Variants in L3MBTL4 observed in about 807,000 individuals in gnomAD.
L3MBTL4 encodes the protein L3MBTL histone methyl-lysine binding protein 4.
In L3MBTL4, 70 loss-of-function variants were observed where a neutral mutation model predicts 84.5. The observed-to-expected ratio is 0.83, with a 90% CI of 0.68 to 1.01. L3MBTL4 has a LOEUF of 1.01. Ranked by LOEUF, L3MBTL4 falls within the 50% of genes least tolerant of loss-of-function variation. The pLI is 0.00. For missense variants in L3MBTL4, 715 were observed against 754.8 expected (o/e 0.95, Z 0.62); for synonymous variants, 274 against 259.8 (o/e 1.05, Z -0.52).
chr18:6,295,346 C>CTCTCTCTCTCTCTCTCTCTATATA (rs1261475809), intron 4 of L3MBTL4, among the ~76,000 whole-genome samples: 2 of 81,388 alleles, frequency 2.5e-5, no homozygotes, highest in African/African-American at 1.3e-4. Context: ...CTCTCTCTCT[C>CTCTCTCTCTCTCTCTCTCTATATA]TATATATATA....
chr18:6,063,994 T>C (rs1477801850), intron 16 of L3MBTL4, among the ~76,000 whole-genome samples: 1 of 152,084 alleles, frequency 6.6e-6, no homozygotes, highest in African/African-American at 2.4e-5. Flanking sequence ...TTTCAGGTCT[T>C]AGATTTAAGT....
At chr18:6,254,626 G>A (rs1338723675) in intron 5 of L3MBTL4, among the ~76,000 whole-genome samples, 1 of 151,998 alleles carries the variant, frequency 6.6e-6, no homozygotes, top group Non-Finnish European at 1.5e-5. Context: ...ATCCTAAACT[G>A]CTGCCAAGAT....
intron 4 of L3MBTL4, among the ~76,000 whole-genome samples, chr18:6,265,915 T>C (rs555568069): frequency 1.3e-5 from 2 of 152,322 alleles, no homozygotes; most frequent in East Asian, 3.9e-4. Context: ...ATGCTGACTA[T>C]AGTGAATAAT....
intron 16 of L3MBTL4, among the ~76,000 whole-genome samples, chr18:5,988,220 A>C (rs1460407313): frequency 6.6e-6 from 1 of 152,214 alleles, no homozygotes; most frequent in Non-Finnish European, 1.5e-5. Context: ...TTACCCTCTA[A>C]AGTCATTCTT....
At chr18:6,277,073 G>A (rs2049111442) in intron 4 of L3MBTL4, among the ~76,000 whole-genome samples, 1 of 141,628 alleles carries the variant, frequency 7.1e-6, no homozygotes, top group Admixed American at 7.8e-5. Flanking sequence ...ACCCTAGAGT[G>A]TTTATTATGT....
chr18:6,100,877 A>G (rs181986819), intron 14 of L3MBTL4, among the ~76,000 whole-genome samples: 1 of 152,320 alleles, frequency 6.6e-6, no homozygotes, highest in East Asian at 1.9e-4. Context: ...CTGCACTACC[A>G]CTGGATGAGG....
intron 1 of L3MBTL4, chr18:6,396,645 T>C (rs2055284017): frequency 6.6e-6 from 1 of 152,246 alleles, no homozygotes. Context: ...GAAAAGAATG[T>C]ACCTCTCAGT....
chr18:6,339,894 T>A (rs998390550), intron 1 of L3MBTL4, among the ~76,000 whole-genome samples: 2 of 152,168 alleles, frequency 1.3e-5, no homozygotes, highest in African/African-American at 4.8e-5. Flanking sequence ...AAAATCTGAA[T>A]TCTACTTTGT....
At chr18:6,188,041 C>A (rs1364131133) in intron 12 of L3MBTL4, among the ~76,000 whole-genome samples, 1 of 151,848 alleles carries the variant, frequency 6.6e-6, no homozygotes, top group Non-Finnish European at 1.5e-5. Flanking sequence ...AATGCTATGT[C>A]CAGTATTTCA....
intron 16 of L3MBTL4, among the ~76,000 whole-genome samples, chr18:5,997,054 A>T (rs2054006367): frequency 7.0e-6 from 1 of 142,286 alleles, no homozygotes; most frequent in Non-Finnish European, 1.5e-5. Flanking sequence ...AATACTTGGG[A>T]AAAAACTAAA....
intron 5 of L3MBTL4, among the ~76,000 whole-genome samples, chr18:6,248,562 C>T (rs1217144454): frequency 6.6e-6 from 1 of 152,222 alleles, no homozygotes; most frequent in African/African-American, 2.4e-5. Flanking sequence ...TTCCCTCACA[C>T]CACCTCGTGG....
At chr18:6,236,170 T>C (rs76930909) in intron 10 of L3MBTL4, among the ~76,000 whole-genome samples, 3,278 of 152,282 alleles carry the variant, frequency 0.022, 120 homozygotes, top group African/African-American at 0.074. Flanking sequence ...GGAGGACTCA[T>C]GTGTTCCAAT....
chr18:6,253,706 A>C (rs187953371), intron 5 of L3MBTL4, among the ~76,000 whole-genome samples: 4 of 152,366 alleles, frequency 2.6e-5, no homozygotes, highest in Admixed American at 2.0e-4. Context: ...CTTCTGTTGC[A>C]TTATTACAGC....
chr18:6,271,542 G>A (rs946407659), intron 4 of L3MBTL4, among the ~76,000 whole-genome samples: 1 of 152,242 alleles, frequency 6.6e-6, no homozygotes, highest in Non-Finnish European at 1.5e-5. Context: ...GCGGAGGAAA[G>A]TGTGAGTCAT....
At chr18:5,980,430 C>CTTTT (rs10664833) in intron 16 of L3MBTL4, among the ~76,000 whole-genome samples, 4,394 of 122,838 alleles carry the variant, frequency 0.036, 347 homozygotes, top group East Asian at 0.17. Context: ...TTAGTTTGCG[C>CTTTT]TTTTTTTTTT....
At chr18:5,958,908 T>C (rs745508366) in intron 18 of L3MBTL4, among the ~76,000 whole-genome samples, 4 of 152,178 alleles carry the variant, frequency 2.6e-5, no homozygotes, top group Non-Finnish European at 5.9e-5. Flanking sequence ...TTACCCTACG[T>C]GGACAGACTT....
intron 5 of L3MBTL4, chr18:6,260,905 T>C (rs902568799): frequency 5.3e-5 from 8 of 152,230 alleles, no homozygotes; most frequent in Non-Finnish European, 1.2e-4. Context: ...TCTGCCTTTT[T>C]GATTATATTA....
At chr18:6,325,103 T>A (rs534317275) in intron 1 of L3MBTL4, among the ~76,000 whole-genome samples, 3 of 152,138 alleles carry the variant, frequency 2.0e-5, no homozygotes, top group Admixed American at 2.0e-4. Context: ...CAGCATGAAC[T>A]TGAAAGTTGA....
intron 16 of L3MBTL4, among the ~76,000 whole-genome samples, chr18:6,074,531 G>C (rs916575593): frequency 2.6e-5 from 4 of 152,206 alleles, no homozygotes; most frequent in African/African-American, 9.6e-5. Flanking sequence ...ATGATGATGA[G>C]AGCTGTTATT....
Sources: allele counts gnomAD v4.1 joint callset (sites outside exome capture counted in the v4.1 genomes callset), GRCh38; gene constraint gnomAD v4.1.1; transcripts MANE v1.5; gene names NCBI Gene and HGNC (gene_info 2026-07-23, HGNC 2026-07-21).